Variants in RABGAP1L observed in about 807,000 individuals in gnomAD.
RABGAP1L encodes RAB GTPase activating protein 1 like, also known as rab GTPase-activating protein 1-like.
In RABGAP1L, 63 loss-of-function variants were observed where a neutral mutation model predicts 137.7. The observed-to-expected ratio is 0.46, with a 90% CI of 0.37 to 0.56. RABGAP1L has a LOEUF of 0.56. RABGAP1L is among the 20% of genes least tolerant of loss of function. The pLI is 0.00. For missense variants in RABGAP1L, 1,095 were observed against 1,244.0 expected, an observed-to-expected ratio of 0.88 and a Z score of 1.80; for synonymous variants, 431 against 433.7, an observed-to-expected ratio of 0.99 and a Z score of 0.08.
At chr1:174,524,038 A>T (rs1258020463) in intron 13 of RABGAP1L, among the ~76,000 whole-genome samples, 2 of 152,168 alleles carry the variant, frequency 1.3e-5, no homozygotes. Context: ...TCATCTGTCA[A>T]TGGACAGTTA....
At chr1:174,597,662 A>G (rs774105533) in intron 13 of RABGAP1L, among the ~76,000 whole-genome samples, 1 of 152,030 alleles carries the variant, frequency 6.6e-6, no homozygotes, top group Non-Finnish European at 1.5e-5. Context: ...AACTTTTCGA[A>G]AAATTTTTCA....
intron 17 of RABGAP1L, among the ~76,000 whole-genome samples, chr1:174,711,230 T>C (rs1193037640): frequency 3.3e-5 from 5 of 149,794 alleles, no homozygotes; most frequent in Non-Finnish European, 7.4e-5. Context: ...CCTCCACACC[T>C]CCCTGCAAGC....
At chr1:174,431,295 T>C (rs1652600480) in intron 13 of RABGAP1L, among the ~76,000 whole-genome samples, 1 of 152,178 alleles carries the variant, frequency 6.6e-6, no homozygotes, top group Non-Finnish European at 1.5e-5. Context: ...TGGGATTTCA[T>C]TGATATAAAA....
At chr1:174,539,261 T>G (rs1665154960) in intron 13 of RABGAP1L, among the ~76,000 whole-genome samples, 1 of 152,126 alleles carries the variant, frequency 6.6e-6, no homozygotes, top group African/African-American at 2.4e-5. Context: ...TATTTTTGAT[T>G]TATTTTTTTC....
intron 12 of RABGAP1L, among the ~76,000 whole-genome samples, chr1:174,385,731 A>G (rs1299749020): frequency 3.3e-5 from 5 of 152,216 alleles, no homozygotes; most frequent in African/African-American, 7.2e-5. Flanking sequence ...CAAGAATGAC[A>G]CAGTAGTCAA....
chr1:174,652,287 C>G (rs907219105), intron 14 of RABGAP1L, among the ~76,000 whole-genome samples: 1 of 152,128 alleles, frequency 6.6e-6, no homozygotes, highest in African/African-American at 2.4e-5. Flanking sequence ...TTCATTTCCA[C>G]TGTGGTCATT....
At chr1:174,384,664 A>T (rs1686590455) in intron 12 of RABGAP1L, among the ~76,000 whole-genome samples, 1 of 152,092 alleles carries the variant, frequency 6.6e-6, no homozygotes, top group South Asian at 2.1e-4. Context: ...ATTATAGGTA[A>T]CTCTGTCTTA....
At chr1:174,315,385 C>T (rs1056059121) in intron 11 of RABGAP1L, among the ~76,000 whole-genome samples, 7 of 151,904 alleles carry the variant, frequency 4.6e-5, no homozygotes, top group African/African-American at 9.7e-5. Context: ...TATATGTGTC[C>T]GTGTAGGTGA....
intron 10 of RABGAP1L, among the ~76,000 whole-genome samples, chr1:174,294,479 A>G (rs1177937166): frequency 4.6e-5 from 7 of 152,172 alleles, no homozygotes; most frequent in Non-Finnish European, 8.8e-5. Context: ...TTGGGTGGGC[A>G]ATTACTCTGA....
intron 13 of RABGAP1L, among the ~76,000 whole-genome samples, chr1:174,600,631 A>G (rs754137992): frequency 1.4e-4 from 21 of 152,232 alleles, no homozygotes; most frequent in Non-Finnish European, 2.8e-4. Context: ...TAAGGCTCCA[A>G]AATGATCTCC....
intron 13 of RABGAP1L, among the ~76,000 whole-genome samples, chr1:174,481,894 A>T (rs889009558): frequency 6.7e-6 from 1 of 148,952 alleles, no homozygotes; most frequent in African/African-American, 2.5e-5. Flanking sequence ...AAAAAAAAAG[A>T]AAAAAAAAGA....
At chr1:174,888,117 CATTAA>C (rs1365960307) in intron 19 of RABGAP1L, among the ~76,000 whole-genome samples, 6 of 152,048 alleles carry the variant, frequency 3.9e-5, no homozygotes, top group Non-Finnish European at 7.4e-5. Context: ...TTATTAAACA[CATTAA>C]ATAGCAAGAA....
intron 14 of RABGAP1L, among the ~76,000 whole-genome samples, chr1:174,655,466 G>A (rs1031582035): frequency 2.6e-5 from 4 of 152,076 alleles, no homozygotes; most frequent in Non-Finnish European, 4.4e-5. Context: ...GGAACAACAC[G>A]GAAAGAATAA....
intron 11 of RABGAP1L, among the ~76,000 whole-genome samples, chr1:174,357,020 T>G (rs1260137406): frequency 6.6e-6 from 1 of 152,198 alleles, no homozygotes; most frequent in East Asian, 1.9e-4. Context: ...TCTTGTATAC[T>G]CTGTGTAGTA....
chr1:174,861,812 CT>C, intron 19 of RABGAP1L, among the ~76,000 whole-genome samples: 1 of 152,102 alleles, frequency 6.6e-6, no homozygotes, highest in Middle Eastern at 3.4e-3. Context: ...TGGTGTTTTG[CT>C]GTTGAGTTAT....
chr1:174,943,036 C>T lies in RABGAP1L; in HGVS notation c.2341-14421C>T, dbSNP rs1045038582. ...CTAACTATTTGGGGAAACTATGAAC[C>T]TCTGTGAGGTTGGTCCCTGGAGGCC... On this transcript the variant is annotated intron_variant, in intron 19 of 25. Transcript: ENST00000681986. Among the ~76,000 whole-genome samples the T allele has an allele frequency of 2.6e-5, 4 of 152,126 alleles. No individual in the cohort carries two copies. The South Asian group carries it at 6.2e-4, about 24-fold the overall frequency.
rs918194262 is a variant in RABGAP1L at position 174,730,733 on chromosome 1, T to G, written c.2170-21580T>G. 2.0e-4 allele frequency among the ~76,000 whole-genome samples: 30 copies of G among 152,132 alleles called. 1 individual carries two copies. Among genetic ancestry groups the G allele is most frequent in the Admixed American group, 1.5e-3 (23 of 15,266 alleles). ...TCCTTTAGTTTTAGCCAGAGAGTCATAGAGTTGTTCACACCTGAGGAATCA... is the reference window on the plus strand; with the variant it reads ...TCCTTTAGTTTTAGCCAGAGAGTCAGAGAGTTGTTCACACCTGAGGAATCA... On this transcript the variant is annotated intron_variant, in intron 17 of 25. Coordinates refer to ENST00000681986, the MANE Select transcript of RABGAP1L (RefSeq NM_001366446.1).
intron 19 of RABGAP1L, among the ~76,000 whole-genome samples, chr1:174,819,773 A>G (rs193019089): frequency 1.3e-5 from 2 of 152,336 alleles, no homozygotes; most frequent in East Asian, 3.9e-4. Flanking sequence ...TCTACCAATA[A>G]GAAGGAAAAG....
At chr1:174,403,447 G>A (rs961194333) in intron 13 of RABGAP1L, among the ~76,000 whole-genome samples, 4 of 152,022 alleles carry the variant, frequency 2.6e-5, no homozygotes, top group Non-Finnish European at 4.4e-5. Context: ...GTATTAATTT[G>A]TGATCTTGGA....
Sources: gnomAD v4.1 joint callset for allele counts (sites outside exome capture counted in the v4.1 genomes callset) on GRCh38, gnomAD v4.1.1 for gene constraint, MANE v1.5 for transcripts, NCBI Gene and HGNC (gene_info 2026-07-23, HGNC 2026-07-21) for gene names.